RBFOX3: variants seen among roughly 807,000 people sequenced by gnomAD.
The protein encoded by RBFOX3 is RNA binding protein fox-1 homolog 3.
RBFOX3 carries 17 observed loss-of-function variants against 48.7 expected under a neutral mutation model. The observed-to-expected ratio is 0.35, with a 90% confidence interval of 0.24 to 0.52. The LOEUF (loss-of-function observed/expected upper bound fraction) is 0.52, where lower values mean the gene tolerates loss of function less well. RBFOX3 is among the 20% of genes least tolerant of loss of function. The pLI is 0.94. For synonymous variants in RBFOX3, 212 were observed against 209.5 expected (o/e 1.01, Z -0.10); for missense variants, 382 against 497.5 (o/e 0.77, Z 2.21).
intron 4 of RBFOX3, among the ~76,000 whole-genome samples, chr17:79,153,932 C>T (rs898185872): frequency 6.6e-6 from 1 of 152,204 alleles, no homozygotes; most frequent in Non-Finnish European, 1.5e-5. Flanking sequence ...ACCGCAGACC[C>T]TACTGTCTTG....
intron 2 of RBFOX3, among the ~76,000 whole-genome samples, chr17:79,460,180 G>A (rs2075186299): frequency 6.6e-6 from 1 of 152,148 alleles, no homozygotes; most frequent in African/African-American, 2.4e-5. Context: ...TGACACAGAT[G>A]ATGGTTGCAC....
intron 5 of RBFOX3, among the ~76,000 whole-genome samples, chr17:79,108,632 G>A (rs1054680974): frequency 2.1e-4 from 32 of 152,238 alleles, no homozygotes; most frequent in Admixed American, 1.8e-3. Context: ...TGTCTGAGTG[G>A]CTGTCCGGCT....
chr17:79,302,408 G>A (rs1383558755), intron 3 of RBFOX3, among the ~76,000 whole-genome samples: 1 of 152,178 alleles, frequency 6.6e-6, no homozygotes, highest in Non-Finnish European at 1.5e-5. Flanking sequence ...GGCCAGGTGT[G>A]GTGGCTCACA....
At chr17:79,560,121 A>G (rs1173339879) in intron 1 of RBFOX3, among the ~76,000 whole-genome samples, 4 of 151,958 alleles carry the variant, frequency 2.6e-5, no homozygotes, top group East Asian at 1.9e-4. Context: ...AGCAACTCCT[A>G]GAAAATCAGG....
chr17:79,521,714 T>C (rs996637236), intron 1 of RBFOX3, among the ~76,000 whole-genome samples: 2 of 151,816 alleles, frequency 1.3e-5, no homozygotes, highest in Non-Finnish European at 2.9e-5. Flanking sequence ...GACACACTTA[T>C]ACATTCACAC....
chr17:79,620,807 C>A, the RBFOX3 span, among the ~76,000 whole-genome samples: 7,590 of 152,250 alleles, frequency 0.05, 623 homozygotes, highest in African/African-American at 0.17. Context: ...CTGGCTCCAC[C>A]CTCCACAGCA....
chr17:79,420,108 C>T (rs540327219), intron 2 of RBFOX3, among the ~76,000 whole-genome samples: 1 of 146,652 alleles, frequency 6.8e-6, no homozygotes, highest in Non-Finnish European at 1.5e-5. Context: ...GCCTGGGCAA[C>T]AGAGCAAGAC....
chr17:79,490,688 C>T (rs2080352681), intron 1 of RBFOX3, among the ~76,000 whole-genome samples: 1 of 150,506 alleles, frequency 6.6e-6, no homozygotes, highest in South Asian at 2.1e-4. Flanking sequence ...CAGCTGGGAA[C>T]ACCACAGGCA....
chr17:79,170,477 G>C (rs906388982), intron 4 of RBFOX3, among the ~76,000 whole-genome samples: 9 of 152,090 alleles, frequency 5.9e-5, no homozygotes, highest in Admixed American at 5.9e-4. Flanking sequence ...GGCTCTTGAG[G>C]GCTGGGGGGG....
Position 79,329,879 on chromosome 17 carries a change from C to T in RBFOX3, c.-174-22055G>A, listed in dbSNP as rs150466996. Among the ~76,000 whole-genome samples the T allele has an allele frequency of 5.1e-4, 77 of 152,280 alleles. No homozygotes were observed. The East Asian group carries it at 0.012, about 23-fold the overall frequency. ...GTCACCAAGGGTCCCACGCAGAGTC[C>T]GGCTCCTTCTCAGACCCTTCAGCCC... On this transcript the variant is annotated intron_variant, in intron 2 of 14. Transcript: ENST00000693108.
At chr17:79,302,663 A>G (rs1395892172) in intron 3 of RBFOX3, among the ~76,000 whole-genome samples, 2 of 152,178 alleles carry the variant, frequency 1.3e-5, no homozygotes, top group South Asian at 2.1e-4. Flanking sequence ...GTCTCAAAAG[A>G]AAAGAAAAAA....
intron 4 of RBFOX3, among the ~76,000 whole-genome samples, chr17:79,188,633 G>A (rs918632350): frequency 6.6e-5 from 10 of 152,336 alleles, no homozygotes; most frequent in East Asian, 5.8e-4. Context: ...GGAGGAATGC[G>A]CTCAGAGAAG....
rs75769398 is a variant in RBFOX3, at chr17:79,434,937, A to C, written c.-175+47517T>G. The stretch of plus-strand genomic sequence containing the variant: ...CTGTGCTCCAAGCAGGCTCCTGTCC[A>C]AGCAGGTGAAAATGCAAGTTCTAAG... On this transcript the variant is annotated intron_variant, in intron 2 of 14. Transcript: ENST00000693108. Among the ~76,000 whole-genome samples, 9 of 152,342 alleles carry C rather than the reference A, an allele frequency of 5.9e-5. No individual in the cohort carries two copies. The East Asian group carries it at 1.7e-3, about 29-fold the overall frequency.
intron 1 of RBFOX3, among the ~76,000 whole-genome samples, chr17:79,552,778 ATT>A (rs2091278837): frequency 1.3e-5 from 2 of 152,106 alleles, no homozygotes; most frequent in African/African-American, 4.8e-5. Flanking sequence ...TAGATATTTT[ATT>A]TTTGTTATCA....
rs532593464 is a variant in RBFOX3, at chr17:79,420,260, G to A, written c.-175+62194C>T. Among the ~76,000 whole-genome samples the A allele has an allele frequency of 3.3e-5, 5 of 152,002 alleles. No homozygotes were observed. In the South Asian group the frequency reaches 8.3e-4, roughly 25 times the overall value. On this transcript the variant is annotated intron_variant, in intron 2 of 14. Coordinates refer to ENST00000693108, the MANE Select transcript of RBFOX3 (RefSeq NM_001350451.2). ...TGGCTGGTGAGTCACTTTACAAAAG[G>A]TCCCTTTAACGTGGAAATGGAAAGT...
intron 4 of RBFOX3, among the ~76,000 whole-genome samples, chr17:79,166,893 A>C (rs918259202): frequency 3.9e-5 from 6 of 152,350 alleles, no homozygotes; most frequent in African/African-American, 1.2e-4. Flanking sequence ...ACACCTGCCA[A>C]AGAGTGAATT....
At chr17:79,136,625 C>T (rs547073678) in intron 4 of RBFOX3, among the ~76,000 whole-genome samples, 1 of 152,300 alleles carries the variant, frequency 6.6e-6, no homozygotes, top group African/African-American at 2.4e-5. Context: ...TTGGCTCAGC[C>T]TGGCGTAGCA....
At chr17:79,463,281 C>T (rs2075729969) in intron 2 of RBFOX3, among the ~76,000 whole-genome samples, 1 of 94,020 alleles carries the variant, frequency 1.1e-5, no homozygotes, top group African/African-American at 3.9e-5. Context: ...GCCACCTCCA[C>T]CACCATCACC....
chr17:79,369,968 T>C (rs981572546), intron 2 of RBFOX3, among the ~76,000 whole-genome samples: 1 of 152,138 alleles, frequency 6.6e-6, no homozygotes, highest in Non-Finnish European at 1.5e-5. Context: ...ACATTTCTCC[T>C]CTAAGCCCCA....
Sources: gnomAD v4.1 joint callset for allele counts (sites outside exome capture counted in the v4.1 genomes callset) on GRCh38, gnomAD v4.1.1 for gene constraint, MANE v1.5 for transcripts, NCBI Gene and HGNC (gene_info 2026-07-23, HGNC 2026-07-21) for gene names.